MIGA1: variants seen among roughly 807,000 people sequenced by gnomAD.
MIGA1 encodes the protein mitoguardin 1, also known as family with sequence similarity 73, member A.
Under a neutral mutation model 82.0 loss-of-function variants are expected in MIGA1, and 58 were observed. That is an observed-to-expected ratio of 0.71 (90% CI 0.57 to 0.88). The LOEUF is 0.88. Among genes scored for constraint, MIGA1 ranks in the 40% least tolerant of loss-of-function variants. The probability of loss-of-function intolerance (pLI) is 0.00; values close to 1 mark genes in which losing one functional copy is unlikely to be tolerated. For missense variants in MIGA1, 751 were observed against 749.1 expected (o/e 1.00, Z -0.03); for synonymous variants, 249 against 253.6 (o/e 0.98, Z 0.17).
chr1:77,863,762 CTTTTATT>C, intron 12 of MIGA1, 125 bp from the exon 13 acceptor site: 1 of 620,732 alleles, frequency 1.6e-6, no homozygotes, highest in Non-Finnish European at 2.6e-6. Context: ...TTTATCTCTC[CTTTTATT>C]TTTTATTTTT....
intron 8 of MIGA1, chr1:77,847,291 TC>T: frequency 1.1e-6 from 1 of 933,800 alleles, no homozygotes. Context: ...CAAACTGGAA[TC>T]CAGAAGGCCC....
intron 4 of MIGA1, among the ~76,000 whole-genome samples, chr1:77,806,261 C>T (rs1441911922): frequency 6.6e-6 from 1 of 152,168 alleles, no homozygotes; most frequent in Admixed American, 6.5e-5. Flanking sequence ...CTAAACATAT[C>T]TGAACATAGA....
intron 10 of MIGA1, 54 bp from the exon 11 acceptor site, chr1:77,859,986 C>A: frequency 9.2e-7 from 1 of 1,083,822 alleles, no homozygotes; most frequent in Non-Finnish European, 1.4e-6. Context: ...AGTTGAATGT[C>A]CATTCACATT....
chr1:77,808,726 T>C (rs1337640663), intron 5 of MIGA1, among the ~76,000 whole-genome samples: 1 of 152,180 alleles, frequency 6.6e-6, no homozygotes, highest in Non-Finnish European at 1.5e-5. Flanking sequence ...ACCAGTAAAC[T>C]TGATGTGGCC....
chr1:77,781,456 C>A (rs1238929933), intron 1 of MIGA1, among the ~76,000 whole-genome samples: 1 of 152,034 alleles, frequency 6.6e-6, no homozygotes, highest in Non-Finnish European at 1.5e-5. Flanking sequence ...ATGAGCTTCC[C>A]CCCACTTCCT....
intron 7 of MIGA1, among the ~76,000 whole-genome samples, chr1:77,815,437 G>A (rs916674896): frequency 3.3e-5 from 5 of 151,918 alleles, no homozygotes; most frequent in African/African-American, 1.2e-4. Flanking sequence ...ACAAATTCAA[G>A]TACTTATCAT....
chr1:77,783,224 T>C lies in MIGA1; in HGVS notation c.82-14T>C. Reference sequence around the variant, plus strand: ...TCTTTGTGGCTAATTTTTTTTATGTTTCATTTAATGAAGATTAGAAGAGGA... The same window carrying C: ...TCTTTGTGGCTAATTTTTTTTATGTCTCATTTAATGAAGATTAGAAGAGGA... On this transcript the variant is annotated splice_polypyrimidine_tract_variant and intron_variant, in intron 1 of 15. Coordinates refer to ENST00000370791, the MANE Select transcript of MIGA1 (RefSeq NM_198549.4). The C allele has an allele frequency of 6.6e-7, 1 of 1,519,148 alleles. No individual in the cohort carries two copies. Among genetic ancestry groups the C allele is most frequent in the Non-Finnish European group, 9.0e-7 (1 of 1,113,546 alleles). 94.1% of individuals were successfully genotyped at this position (1,519,148 alleles called of 1,614,324 possible).
rs149271495 is a variant in MIGA1, at chr1:77,806,958, A to G, written c.511-17A>G. On this transcript the variant is annotated splice_polypyrimidine_tract_variant and intron_variant, in intron 4 of 15. Transcript: ENST00000370791. ...ATGAGAGAGATTTGAAGTAACTTCT[A>G]TCCATCTTAATTTTAGGTCCAGAGT... 41 of 1,592,482 alleles carry G rather than the reference A, an allele frequency of 2.6e-5. No homozygotes were observed. The highest frequency in any genetic ancestry group is 2.9e-5 in the Non-Finnish European group (34 of 1,167,446).
chr1:77,871,253 G>A (rs893540857), intron 14 of MIGA1, among the ~76,000 whole-genome samples: 18 of 152,088 alleles, frequency 1.2e-4, no homozygotes, highest in African/African-American at 3.9e-4. Context: ...TGTAATCCTA[G>A]CACTTTGGGA....
At chr1:77,871,031 C>CA (rs1303509112) in intron 14 of MIGA1, among the ~76,000 whole-genome samples, 1 of 144,028 alleles carries the variant, frequency 6.9e-6, no homozygotes, top group Non-Finnish European at 1.5e-5. Context: ...GCCGAGATGG[C>CA]AGCAGTACCG....
intron 8 of MIGA1, 99 bp downstream of exon 8, chr1:77,843,506 T>A: frequency 2.3e-6 from 2 of 875,334 alleles, no homozygotes; most frequent in Non-Finnish European, 1.8e-6. Context: ...ACTATTTATT[T>A]AGCACGTACC....
intron 7 of MIGA1, among the ~76,000 whole-genome samples, chr1:77,824,825 A>G (rs1026915201): frequency 2.6e-5 from 4 of 152,170 alleles, no homozygotes; most frequent in African/African-American, 4.8e-5. Flanking sequence ...CCCATAAAAT[A>G]TAACCCACTC....
At chr1:77,844,155 G>C (rs1211183936) in intron 8 of MIGA1, among the ~76,000 whole-genome samples, 1 of 136,410 alleles carries the variant, frequency 7.3e-6, no homozygotes, top group South Asian at 2.3e-4. Context: ...TAGATAGATA[G>C]ATAGATAGAT....
At chr1:77,838,338 T>G (rs1368094543) in intron 7 of MIGA1, among the ~76,000 whole-genome samples, 1 of 151,644 alleles carries the variant, frequency 6.6e-6, no homozygotes, top group Non-Finnish European at 1.5e-5. Context: ...ATTTATTTAT[T>G]TATTTATTTA....
intron 2 of MIGA1, among the ~76,000 whole-genome samples, chr1:77,800,055 A>T (rs1203141479): frequency 6.6e-6 from 1 of 152,180 alleles, no homozygotes; most frequent in African/African-American, 2.4e-5. Flanking sequence ...TTAAAGATGC[A>T]TCCACAGTTT....
intron 1 of MIGA1, 39 bp downstream of exon 1, chr1:77,779,775 G>T: frequency 6.6e-7 from 1 of 1,522,246 alleles, no homozygotes; most frequent in South Asian, 1.2e-5. Context: ...AGAGGCGGGC[G>T]GGAGGAAGCG....
intron 12 of MIGA1, 67 bp downstream of exon 12, chr1:77,861,389 G>A: frequency 9.8e-7 from 1 of 1,018,420 alleles, no homozygotes; most frequent in Non-Finnish European, 1.5e-6. Context: ...TATGAGTTGA[G>A]ACTACTGTTT....
intron 7 of MIGA1, among the ~76,000 whole-genome samples, chr1:77,831,862 G>C (rs930893368): frequency 6.6e-6 from 1 of 152,176 alleles, no homozygotes; most frequent in South Asian, 2.1e-4. Context: ...GCAAGACCTT[G>C]TCTCAAAACA....
chr1:77,782,122 C>A (rs539945380), intron 1 of MIGA1, among the ~76,000 whole-genome samples: 16 of 152,214 alleles, frequency 1.1e-4, no homozygotes, highest in South Asian at 4.2e-4. Context: ...CAGGCATGAG[C>A]CACTCACTGT....
Sources: allele counts gnomAD v4.1 joint callset (sites outside exome capture counted in the v4.1 genomes callset), GRCh38; gene constraint gnomAD v4.1.1; transcripts MANE v1.5; gene names NCBI Gene and HGNC (gene_info 2026-07-23, HGNC 2026-07-21).